The following CUX1 variants were observed in gnomAD, a reference collection of about 807,000 sequenced individuals.
CUX1 encodes the protein cut like homeobox 1.
A neutral mutation model predicts 158.8 loss-of-function variants in CUX1; 31 were observed. That is an observed-to-expected ratio of 0.20 (90% confidence interval 0.15 to 0.26). The LOEUF is 0.26. Ranked by LOEUF, CUX1 falls within the 10% of genes least tolerant of loss-of-function variation. CUX1 has a pLI of 1.00. For missense variants in CUX1, 1,589 were observed against 2,014.6 expected (o/e 0.79, Z 4.04); for synonymous variants, 879 against 862.1 (o/e 1.02, Z -0.34).
chr7:101,959,830 C>G (rs1164969472), intron 2 of CUX1, among the ~76,000 whole-genome samples: 1 of 152,172 alleles, frequency 6.6e-6, no homozygotes, highest in Admixed American at 6.5e-5. Flanking sequence ...TCTGTTTGGA[C>G]ATGGTACAAC....
chr7:102,209,999 T>TC (rs1796361916), intron 20 of CUX1, among the ~76,000 whole-genome samples: 1 of 152,190 alleles, frequency 6.6e-6, no homozygotes, highest in African/African-American at 2.4e-5. Flanking sequence ...CAATCCTCTC[T>TC]CCTCAGCCTC....
intron 15 of CUX1, 63 bp downstream of exon 15, chr7:102,197,368 G>A: frequency 1.3e-6 from 2 of 1,524,056 alleles, no homozygotes; most frequent in Non-Finnish European, 1.8e-6. Context: ...ACATGTGTGT[G>A]TGCATGCGTG....
At chr7:102,126,108 G>A (rs1471358325) in intron 8 of CUX1, among the ~76,000 whole-genome samples, 2 of 151,648 alleles carry the variant, frequency 1.3e-5, no homozygotes, top group Admixed American at 6.6e-5. Context: ...CTGCCTCTTG[G>A]GTTCAAGCGA....
At position 102,213,731 on chromosome 7, in the gene CUX1, C is replaced by G. The variant is rs539530413; in HGVS notation, c.3130+8561C>G. 1.3e-4 allele frequency among the ~76,000 whole-genome samples: 20 copies of G among 152,308 alleles called. No homozygotes were observed. The South Asian group carries it at 3.5e-3, about 27-fold the overall frequency. On this transcript the variant is annotated intron_variant, in intron 20 of 23. Transcript: ENST00000292535. ...GGAAGGAATGAAGAAGCTTAAATGC[C>G]TAGAAACCCTCAGGTGATTGCAGAA...
intron 9 of CUX1, among the ~76,000 whole-genome samples, chr7:102,168,633 G>A (rs1554509476): frequency 7.4e-6 from 1 of 135,086 alleles, no homozygotes; most frequent in African/African-American, 3.0e-5. Context: ...GACAGAGCGA[G>A]GCTCTGTCTC....
chr7:101,840,827 C>T (rs1304595154), intron 1 of CUX1, among the ~76,000 whole-genome samples: 1 of 151,994 alleles, frequency 6.6e-6, no homozygotes. Flanking sequence ...GGCTGGGAGG[C>T]ATTTAACATT....
At chr7:102,110,298 AGT>A (rs1490352296) in intron 6 of CUX1, among the ~76,000 whole-genome samples, 47 of 152,336 alleles carry the variant, frequency 3.1e-4, no homozygotes, top group African/African-American at 1.1e-3. Flanking sequence ...ATTGTGCTAT[AGT>A]GTGTTACATA....
At chr7:101,917,908 AG>A (rs1400792434) in intron 2 of CUX1, among the ~76,000 whole-genome samples, 1 of 152,188 alleles carries the variant, frequency 6.6e-6, no homozygotes, top group Non-Finnish European at 1.5e-5. Flanking sequence ...GGCTGAGGCA[AG>A]CAATCACTTG....
rs1563469599 is a variant in CUX1, at chr7:102,239,241, C to T, written c.3623-79C>T. 8 of 1,475,920 alleles carry T rather than the reference C, an allele frequency of 5.4e-6. No homozygotes were observed. The African/African-American group carries it at 5.6e-5, about 10-fold the overall frequency. The allele number at this position is 1,475,920 out of a possible 1,614,324, so 91.4% of individuals were successfully genotyped here. ...AAAGTCCTGCAAGCCGGCACTGTGC[C>T]GTCCCGCTAGCGGGACTGGGGATTT... On this transcript the variant is annotated intron_variant, in intron 22 of 23. Transcript: ENST00000292535.
intron 1 of CUX1, among the ~76,000 whole-genome samples, chr7:101,866,300 TA>T (rs531990612): frequency 6.9e-5 from 10 of 144,936 alleles, no homozygotes; most frequent in Non-Finnish European, 1.5e-4. Flanking sequence ...CATCTCTACT[TA>T]AAAAAAAAAC....
At chr7:102,189,466 G>C (rs1318625877) in intron 11 of CUX1, among the ~76,000 whole-genome samples, 1 of 147,032 alleles carries the variant, frequency 6.8e-6, no homozygotes, top group Non-Finnish European at 1.5e-5. Context: ...CACAATCATA[G>C]CTCACTGCAC....
intron 2 of CUX1, among the ~76,000 whole-genome samples, chr7:101,992,593 T>A (rs1815284454): frequency 6.6e-6 from 1 of 152,166 alleles, no homozygotes; most frequent in African/African-American, 2.4e-5. Context: ...AAAAACATCC[T>A]TCCCAATCAG....
Position 102,234,188 on chromosome 7 carries a change from C to A in CUX1, c.3570C>A (p.Asn1190Lys). 6.3e-7 allele frequency: 1 copy of A among 1,594,818 alleles called. No individual in the cohort carries two copies. The highest frequency in any genetic ancestry group is 1.1e-5 in the South Asian group (1 of 87,938). ...TCGTCCGGATGCAGCTGTGGCTGAA[C>A]GACCCCAACAATGTGGAGAAGCTGA... is the stretch of plus-strand genomic sequence containing the variant. ...EPFVRMQLWLNDPNNVEKLMD... is the reference protein window; with the variant it reads ...EPFVRMQLWLKDPNNVEKLMD... Residue 1190 changes from asparagine (N) to lysine (K), a missense_variant, in exon 22 of 24, where the codon AAC (asparagine) becomes AAA (lysine). Asn to Lys is a moderately conservative substitution (Grantham distance 94). This residue lies in a region of CUX1 where 259 missense variants were observed against 373.8 expected (regional missense o/e 0.69). Transcript: ENST00000292535.
At chr7:102,107,202 C>T (rs1830449153) in intron 6 of CUX1, among the ~76,000 whole-genome samples, 1 of 149,640 alleles carries the variant, frequency 6.7e-6, no homozygotes, top group South Asian at 2.1e-4. Context: ...CCACTGCAAT[C>T]CAACATGGGT....
intron 4 of CUX1, among the ~76,000 whole-genome samples, chr7:102,072,940 C>T (rs1826285288): frequency 6.6e-6 from 1 of 151,972 alleles, no homozygotes; most frequent in Non-Finnish European, 1.5e-5. Context: ...CATTCTTTGA[C>T]TTTTTGTTGG....
At chr7:101,992,261 C>A (rs1242980584) in intron 2 of CUX1, among the ~76,000 whole-genome samples, 1 of 152,194 alleles carries the variant, frequency 6.6e-6, no homozygotes, top group African/African-American at 2.4e-5. Flanking sequence ...AACCCACCCC[C>A]TCCCATCTTC....
At position 102,070,426 on chromosome 7, in the gene CUX1, C is replaced by G; in HGVS notation, c.268+9C>G. 1.2e-6 allele frequency: 2 copies of G among 1,604,432 alleles called. No individual in the cohort carries two copies. The highest frequency in any genetic ancestry group is 1.7e-6 in the Non-Finnish European group (2 of 1,176,464). On this transcript the variant is annotated intron_variant, in intron 4 of 23. Transcript: ENST00000292535. ...ATTGATTGACGTCCCAGGTAAGCCCCGGCAGTAATGGCCCACCAGTGGGGG... is the reference window on the plus strand; with the variant it reads ...ATTGATTGACGTCCCAGGTAAGCCCGGGCAGTAATGGCCCACCAGTGGGGG...
At chr7:102,141,256 C>T (rs967181318) in intron 8 of CUX1, among the ~76,000 whole-genome samples, 3 of 152,154 alleles carry the variant, frequency 2.0e-5, no homozygotes, top group Non-Finnish European at 2.9e-5. Context: ...TTCCTATGAA[C>T]GTTCTCGTGC....
chr7:101,898,215 A>G (rs1801730996), intron 1 of CUX1, among the ~76,000 whole-genome samples: 1 of 152,202 alleles, frequency 6.6e-6, no homozygotes, highest in African/African-American at 2.4e-5. Context: ...CTAAGTCTCA[A>G]GTAGTACATA....
Sources: allele counts gnomAD v4.1 joint callset (sites outside exome capture counted in the v4.1 genomes callset), GRCh38; gene constraint gnomAD v4.1.1; regional missense constraint gnomAD v4.1.1; transcripts MANE v1.5; gene names NCBI Gene and HGNC (gene_info 2026-07-23, HGNC 2026-07-21).